Variants in PCDH12 observed in about 807,000 individuals in gnomAD.
The protein encoded by PCDH12 is protocadherin 12.
PCDH12 carries 45 observed loss-of-function variants against 70.9 expected under a neutral mutation model. That is an observed-to-expected ratio of 0.63 (90% confidence interval 0.50 to 0.81). The LOEUF (loss-of-function observed/expected upper bound fraction) is 0.81, where lower values mean the gene tolerates loss of function less well. Ranked by LOEUF, PCDH12 falls within the 40% of genes least tolerant of loss-of-function variation. The pLI, the probability that PCDH12 is intolerant of heterozygous loss-of-function variation, is 0.00. For missense variants in PCDH12, 1,370 were observed against 1,491.7 expected (o/e 0.92, Z 1.34); for synonymous variants, 567 against 626.0 (o/e 0.91, Z 1.41).
At chr5:141,954,854 A>C (rs1433246467) in intron 1 of PCDH12, 118 bp downstream of exon 1, 2 of 1,332,076 alleles carry the variant, frequency 1.5e-6, no homozygotes, top group East Asian at 4.6e-5. Flanking sequence ...AAAGCATCAG[A>C]AAGTGCCAGG....
chr5:141,955,163 C>G lies in PCDH12; in HGVS notation c.2689G>C (p.Glu897Gln). 1.2e-6 allele frequency: 2 copies of G among 1,614,230 alleles called. No homozygotes were observed. The highest frequency in any genetic ancestry group is 4.5e-5 in the East Asian group (2 of 44,880). The change falls in exon 1 of 4, where the codon GAG becomes CAG. Residue 897 changes from glutamate to glutamine, a missense_variant. Physicochemically the swap from Glu to Gln is conservative, Grantham distance 29. Transcript: ENST00000231484. The surrounding 1 kb of genome is among the most constrained non-coding windows in gnomAD (Gnocchi z 5.5). Reference sequence around the variant, plus strand: ...GCTGGTGGCCTCTGTGGGGCTTCCTCACTGCCCTGGTCTCCAGCCAGCCTC... The same window carrying G: ...GCTGGTGGCCTCTGTGGGGCTTCCTGACTGCCCTGGTCTCCAGCCAGCCTC... ...TGRLAGDQGS[E>Q]EAPQRPPASS...
chr5:141,945,322 C>A lies in PCDH12; in HGVS notation c.*59G>T. On this transcript the variant is annotated 3_prime_UTR_variant, in exon 4 of 4. Transcript: ENST00000231484. ...TGAGTTACAAGATTTTAGAAACCAG[C>A]TCTTGTCCACAGATCCTCAGGCCCC... 6.5e-7 allele frequency: 1 copy of A among 1,529,472 alleles called. No individual in the cohort carries two copies. The highest frequency in any genetic ancestry group is 1.3e-5 in the South Asian group (1 of 78,112). 94.7% of individuals were successfully genotyped at this position (1,529,472 alleles called of 1,614,324 possible). A position where few individuals can be genotyped will look rare whatever the true frequency, so the allele number is the denominator to read the frequency against.
intron 1 of PCDH12, 102 bp from the exon 2 acceptor site, chr5:141,951,692 T>C: frequency 2.4e-6 from 2 of 837,476 alleles, no homozygotes; most frequent in Non-Finnish European, 4.1e-6. Context: ...TTATAGTCTT[T>C]CCTCTGGCTT....
At position 141,957,413 on chromosome 5, in the gene PCDH12, T is replaced by A; in HGVS notation, c.439A>T (p.Ser147Cys). ...GGGATCCGGGTTCGCAGAGAGGCGC[T>A]CTCAGAGATTTCCAGCTCCTGCTCG... ...KGEQELEISE[S>C]ASLRTRIPLD... The change falls in exon 1 of 4, where the codon AGC becomes TGC. Residue 147 changes from serine (S) to cysteine (C), a missense_variant. By Grantham distance (112) the Ser-to-Cys change is moderately radical. Coordinates refer to ENST00000231484, the MANE Select transcript of PCDH12 (RefSeq NM_016580.4). The surrounding 1 kb of genome is among the most constrained non-coding windows in gnomAD (Gnocchi z 4.3). The A allele has an allele frequency of 6.2e-7, 1 of 1,613,242 alleles. No homozygotes were observed. The highest frequency in any genetic ancestry group is 8.5e-7 in the Non-Finnish European group (1 of 1,179,600).
At position 141,955,359 on chromosome 5, in the gene PCDH12, G is replaced by A. The variant is rs1463636226; in HGVS notation, c.2493C>T (p.Asn831=). Residue 831 remains asparagine (N), a synonymous_variant, in exon 1 of 4, where the codon AAC becomes AAT. Coordinates refer to ENST00000231484, the MANE Select transcript of PCDH12 (RefSeq NM_016580.4). The surrounding 1 kb of genome is among the most constrained non-coding windows in gnomAD (Gnocchi z 5.5). ...TLYRTLRNQG[N]QGAPAESREV... is the part of the protein sequence containing the mutation. ...CTCGGCTCTCCGCCGGTGCTCCCTG[G>A]TTGCCTTGATTACGCAGCGTCCTGT... 1 of 1,614,118 alleles carries A rather than the reference G, an allele frequency of 6.2e-7. No homozygotes were observed. The highest frequency in any genetic ancestry group is 8.5e-7 in the Non-Finnish European group (1 of 1,180,032).
chr5:141,949,049 C>CA (rs5871796), intron 3 of PCDH12, among the ~76,000 whole-genome samples: 38,044 of 140,490 alleles, frequency 0.27, 5,358 homozygotes, highest in Non-Finnish European at 0.34. Context: ...CCTGTCCCTA[C>CA]AAAAAAAAAA....
rs1249428952 is a variant in PCDH12, at chr5:141,957,413, T to C, written c.439A>G (p.Ser147Gly). Residue 147 changes from serine (S) to glycine (G), a missense_variant, in exon 1 of 4, where the codon AGC becomes GGC. By Grantham distance (56) the Ser-to-Gly change is moderately conservative. Transcript: ENST00000231484. The surrounding 1 kb of genome is among the most constrained non-coding windows in gnomAD (Gnocchi z 4.3). ...GGGATCCGGGTTCGCAGAGAGGCGC[T>C]CTCAGAGATTTCCAGCTCCTGCTCG... ...KGEQELEISE[S>G]ASLRTRIPLD... 6.2e-7 allele frequency: 1 copy of C among 1,613,124 alleles called. No individual in the cohort carries two copies. The highest frequency in any genetic ancestry group is 8.5e-7 in the Non-Finnish European group (1 of 1,179,608).
chr5:141,956,199 C>T lies in PCDH12; in HGVS notation c.1653G>A (p.Val551=). Residue 551 remains valine (V), a synonymous_variant, in exon 1 of 4, where the codon GTG becomes GTA. Transcript: ENST00000231484. The part of the protein sequence containing the change: ...GQPMLASSVS[V]WVSLLDANDN... ...CATTGGCATCCAAGAGGCTGACCCA[C>T]ACAGAGACACTGGATGCAAGCATGG... The T allele has an allele frequency of 6.2e-7, 1 of 1,614,240 alleles. No homozygotes were observed. The highest frequency in any genetic ancestry group is 8.5e-7 in the Non-Finnish European group (1 of 1,180,050).
Position 141,955,195 on chromosome 5 carries a change from G to A in PCDH12, c.2657C>T (p.Pro886Leu), listed in dbSNP as rs140005536. Residue 886 changes from proline to leucine, a missense_variant, in exon 1 of 4, where the codon CCC (proline) becomes CTC (leucine). By Grantham distance (98) the Pro-to-Leu change is moderately conservative (BLOSUM62 -3). Coordinates refer to ENST00000231484, the MANE Select transcript of PCDH12 (RefSeq NM_016580.4). This position sits in a 1 kb window ranked among gnomAD's most constrained non-coding sequence, Gnocchi z 5.5. ...CTGGTCTCCAGCCAGCCTCCCTGTG[G>A]GGCTGCCTGCAACCTTCAGAGGCCT... ...RSRPLKVAGSPTGRLAGDQGS... is the reference protein window; with the variant it reads ...RSRPLKVAGSLTGRLAGDQGS... 449 of 1,614,198 alleles carry A rather than the reference G, an allele frequency of 2.8e-4. 1 individual carries two copies. The East Asian group carries it at 5.4e-3, about 19-fold the overall frequency.
rs1390332280 is a variant in PCDH12, at chr5:141,945,679, GTCCTTGGCT to G, written c.3248_3256del (p.Glu1083_Thr1086delinsAla). Reference sequence around the variant, plus strand: ...CTCTGCCTTGCCGAACGTCTGGAAGGTCCTTGGCTCCTCCGTGGCTGCAGCATCCGGGGA... The same window carrying G: ...CTCTGCCTTGCCGAACGTCTGGAAGGCCTCCGTGGCTGCAGCATCCGGGGA... On this transcript the variant is annotated inframe_deletion, in exon 4 of 4. Transcript: ENST00000231484. 4 of 1,614,216 alleles carry G rather than the reference GTCCTTGGCT, an allele frequency of 2.5e-6. No homozygotes were observed. In the Admixed American group the frequency reaches 6.7e-5, roughly 27 times the overall value.
rs760445554 is a variant in PCDH12, at chr5:141,955,019, C to T, written c.2833G>A (p.Glu945Lys). 16 of 1,614,038 alleles carry T rather than the reference C, an allele frequency of 9.9e-6. No homozygotes were observed. Among genetic ancestry groups the T allele is most frequent in the South Asian group, 3.3e-5 (3 of 91,090 alleles). The change falls in exon 1 of 4, where the codon GAG becomes AAG. Residue 945 changes from glutamate (E) to lysine (K), a missense_variant. Coordinates refer to ENST00000231484, the MANE Select transcript of PCDH12 (RefSeq NM_016580.4). This position sits in a 1 kb window ranked among gnomAD's most constrained non-coding sequence, Gnocchi z 5.5. ...GTGAGCTCCTCCACGGGGTTCCGCT[C>T]GGCGAAGGCAGCCACAGACAGCCGG... is the stretch of plus-strand genomic sequence containing the variant. Reference protein sequence around the residue: ...LVRLSVAAFAERNPVEELTVD... With the variant: ...LVRLSVAAFAKRNPVEELTVD...
chr5:141,949,383 G>A (rs1753026650), intron 3 of PCDH12, 49 bp downstream of exon 3: 2 of 1,562,072 alleles, frequency 1.3e-6, no homozygotes, highest in Non-Finnish European at 8.6e-7. Context: ...CTGAAGCTTG[G>A]ACACCATGGG....
intron 1 of PCDH12, 34 bp downstream of exon 1, chr5:141,954,938 T>C: frequency 5.7e-6 from 9 of 1,583,344 alleles, no homozygotes; most frequent in Non-Finnish European, 7.7e-6. Flanking sequence ...GGTCCAGGAG[T>C]GACCAGAGAA....
rs775214057 is a variant in PCDH12 at position 141,956,032 on chromosome 5, G to A, written c.1820C>T (p.Pro607Leu). 3 of 1,614,180 alleles carry A rather than the reference G, an allele frequency of 1.9e-6. No individual in the cohort carries two copies. The highest frequency in any genetic ancestry group is 2.2e-5 in the South Asian group (2 of 91,076). ...GLGPAGTDTPPLATHSSRPFL... is the reference protein window; with the variant it reads ...GLGPAGTDTPLLATHSSRPFL... The stretch of plus-strand genomic sequence containing the variant: ...TGGCCGGGAGCTGTGAGTGGCCAGT[G>A]GAGGTGTGTCAGTGCCCGCTGGGCC... The change falls in exon 1 of 4, where the codon CCA becomes CTA. Residue 607 changes from proline to leucine, a missense_variant. Transcript: ENST00000231484.
chr5:141,956,068 G>A lies in PCDH12; in HGVS notation c.1784C>T (p.Pro595Leu), dbSNP rs1753177734. The change falls in exon 1 of 4, where the codon CCC becomes CTC. Residue 595 changes from proline (P) to leucine (L), a missense_variant. Physicochemically the swap from Pro to Leu is moderately conservative, Grantham distance 98 (BLOSUM62 -3). Transcript: ENST00000231484. ...AGTGCCCGCTGGGCCCAAGCCATTGGGAGTCTCGATGGGCACCAGCAGGTG... is the reference window on the plus strand; with the variant it reads ...AGTGCCCGCTGGGCCCAAGCCATTGAGAGTCTCGATGGGCACCAGCAGGTG... ...TGHLLVPIET[P>L]NGLGPAGTDT... is the part of the protein sequence containing the mutation. 6.2e-7 allele frequency: 1 copy of A among 1,614,194 alleles called. No homozygotes were observed.
chr5:141,949,373 CT>C, intron 3 of PCDH12, 58 bp downstream of exon 3: 1 of 1,547,760 alleles, frequency 6.5e-7, no homozygotes, highest in East Asian at 2.3e-5. Flanking sequence ...GAGCAGAACT[CT>C]GAAGCTTGGA....
chr5:141,953,525 CTA>C (rs1390695349), intron 1 of PCDH12: 4 of 152,204 alleles, frequency 2.6e-5, no homozygotes, highest in African/African-American at 9.7e-5. Flanking sequence ...AGATCTGACT[CTA>C]TGTGCTGCTG....
rs1752830577 is a variant in PCDH12 at position 141,943,716 on chromosome 5, AT to A, written c.*1664del. The stretch of plus-strand genomic sequence containing the variant: ...TGGAGACCCTGCCTGCCTGCTTGAT[AT>A]CCCCCAGTTTCTCTCACTGGCCCAC... On this transcript the variant is annotated 3_prime_UTR_variant, in exon 4 of 4. Coordinates refer to ENST00000231484, the MANE Select transcript of PCDH12 (RefSeq NM_016580.4). 6.6e-6 allele frequency: 1 copy of A among 152,114 alleles called. No individual in the cohort carries two copies. Among genetic ancestry groups the A allele is most frequent in the African/African-American group, 2.4e-5 (1 of 41,424 alleles). The allele number at this position is 152,114 out of a possible 1,614,324, so 9.4% of individuals were successfully genotyped here.
At position 141,944,380 on chromosome 5, in the gene PCDH12, G is replaced by C. The variant is rs979315520; in HGVS notation, c.*1001C>G. ...TGCTTGGGAATGTAGAGAGGTGCGG[G>C]CCTGGATGGCTTTGGAAATGTTCCT... is the stretch of plus-strand genomic sequence containing the variant. On this transcript the variant is annotated 3_prime_UTR_variant, in exon 4 of 4. Coordinates refer to ENST00000231484, the MANE Select transcript of PCDH12 (RefSeq NM_016580.4). 1 of 152,290 alleles carries C rather than the reference G, an allele frequency of 6.6e-6. No homozygotes were observed. The highest frequency in any genetic ancestry group is 6.5e-5 in the Admixed American group (1 of 15,286). The allele number at this position is 152,290 out of a possible 1,614,324, so 9.4% of individuals were successfully genotyped here.
Sources: allele counts gnomAD v4.1 joint callset (sites outside exome capture counted in the v4.1 genomes callset), GRCh38; gene constraint gnomAD v4.1.1; non-coding constraint Gnocchi (gnomAD v3.1); transcripts MANE v1.5; gene names NCBI Gene and HGNC (gene_info 2026-07-23, HGNC 2026-07-21).